Variants in FHIT observed in about 807,000 individuals in gnomAD.
The protein encoded by FHIT is bis(5'-adenosyl)-triphosphatase.
A neutral mutation model predicts 17.9 loss-of-function variants in FHIT; 19 were observed. That is an observed-to-expected ratio of 1.06 (90% CI 0.74 to 1.56). The LOEUF (loss-of-function observed/expected upper bound fraction) is 1.56, where lower values mean the gene tolerates loss of function less well. Among genes scored for constraint, FHIT ranks in the 40% most tolerant of loss-of-function variants. The probability of loss-of-function intolerance (pLI) is 0.00; values close to 1 mark genes in which losing one functional copy is unlikely to be tolerated. For synonymous variants in FHIT, 81 were observed against 69.7 expected (o/e 1.16, Z -0.81); for missense variants, 248 against 189.2 (o/e 1.31, Z -1.82).
intron 3 of FHIT, among the ~76,000 whole-genome samples, chr3:60,955,605 T>TATATATATATATAC (rs1553778476): frequency 1.2e-5 from 1 of 85,610 alleles, no homozygotes; most frequent in Admixed American, 1.1e-4. Flanking sequence ...TACATATATA[T>TATATATATATATAC]ATATATATAT....
chr3:60,051,634 A>G (rs891624250), intron 5 of FHIT, among the ~76,000 whole-genome samples: 4 of 152,144 alleles, frequency 2.6e-5, no homozygotes, highest in Admixed American at 6.6e-5. Context: ...AAATCTGAGT[A>G]TCTATATCTG....
chr3:60,926,848 C>T (rs7627681), intron 3 of FHIT, among the ~76,000 whole-genome samples: 43,457 of 151,842 alleles, frequency 0.29, 6,711 homozygotes, highest in East Asian at 0.61. Context: ...ATCAAATAGA[C>T]GCAATAAAAA....
intron 8 of FHIT, among the ~76,000 whole-genome samples, chr3:59,805,446 C>A (rs532210281): frequency 6.6e-6 from 1 of 152,158 alleles, no homozygotes; most frequent in Admixed American, 6.5e-5. Context: ...TTTGTCCTTG[C>A]GGCAGGTTAG....
intron 7 of FHIT, among the ~76,000 whole-genome samples, chr3:59,963,183 C>T (rs897983829): frequency 2.6e-5 from 4 of 151,992 alleles, no homozygotes; most frequent in African/African-American, 9.7e-5. Flanking sequence ...AGCAGAATGG[C>T]GTGAACCCAG....
chr3:59,862,915 A>G (rs1335555313), intron 8 of FHIT, among the ~76,000 whole-genome samples: 4 of 152,152 alleles, frequency 2.6e-5, no homozygotes, highest in Non-Finnish European at 4.4e-5. Flanking sequence ...GTGACGGGGT[A>G]GGATGTGGGC....
intron 5 of FHIT, among the ~76,000 whole-genome samples, chr3:60,055,154 G>C (rs113903084): frequency 0.015 from 2,309 of 152,232 alleles, 28 homozygotes; most frequent in Non-Finnish European, 0.022. Flanking sequence ...GGCAAGAAGG[G>C]TACCCTTGAC....
At chr3:60,553,788 C>G (rs1158008057) in intron 4 of FHIT, among the ~76,000 whole-genome samples, 3 of 151,902 alleles carry the variant, frequency 2.0e-5, no homozygotes, top group African/African-American at 7.3e-5. Flanking sequence ...TGTGTTTGTA[C>G]AAAATATCAG....
At chr3:60,443,484 G>T (rs1193737693) in intron 5 of FHIT, among the ~76,000 whole-genome samples, 4 of 152,042 alleles carry the variant, frequency 2.6e-5, no homozygotes, top group Non-Finnish European at 5.9e-5. Flanking sequence ...TAGCATGAAG[G>T]GCTGTTGAAT....
intron 3 of FHIT, among the ~76,000 whole-genome samples, chr3:60,905,766 A>T (rs1575669881): frequency 6.6e-6 from 1 of 152,340 alleles, no homozygotes; most frequent in East Asian, 1.9e-4. Context: ...AAGGAAGCGT[A>T]TGTATATTTG....
intron 3 of FHIT, among the ~76,000 whole-genome samples, chr3:60,968,419 C>CT (rs35256219): frequency 0.17 from 24,013 of 143,104 alleles, 2,576 homozygotes; most frequent in Middle Eastern, 0.25. Flanking sequence ...TGCTGTAGGA[C>CT]TTTTTTTTTT....
At chr3:60,032,241 C>T (rs1020568838) in intron 5 of FHIT, among the ~76,000 whole-genome samples, 7 of 151,940 alleles carry the variant, frequency 4.6e-5, no homozygotes, top group African/African-American at 1.7e-4. Flanking sequence ...GGGAGGGTTG[C>T]TCGAGGCTAG....
chr3:61,018,396 G>C (rs1021750932), intron 3 of FHIT, among the ~76,000 whole-genome samples: 3 of 152,214 alleles, frequency 2.0e-5, no homozygotes, highest in Non-Finnish European at 4.4e-5. Flanking sequence ...GGGAATTTAA[G>C]TGTCATGCAC....
chr3:60,621,070 T>C (rs1207254946), intron 4 of FHIT, among the ~76,000 whole-genome samples: 1 of 152,108 alleles, frequency 6.6e-6, no homozygotes, highest in Non-Finnish European at 1.5e-5. Flanking sequence ...CAAGTGATGT[T>C]TTCACACCAA....
At chr3:60,124,941 A>G (rs1251112662) in intron 5 of FHIT, among the ~76,000 whole-genome samples, 1 of 152,196 alleles carries the variant, frequency 6.6e-6, no homozygotes, top group African/African-American at 2.4e-5. Flanking sequence ...CAAAACCCAC[A>G]TATTAGATCT....
At chr3:60,183,781 A>C (rs1180640592) in intron 5 of FHIT, among the ~76,000 whole-genome samples, 4 of 152,120 alleles carry the variant, frequency 2.6e-5, no homozygotes, top group Non-Finnish European at 5.9e-5. Context: ...AATATTTCCT[A>C]CTGTGGCCCA....
chr3:60,884,748 T>C (rs1173884083), intron 3 of FHIT, among the ~76,000 whole-genome samples: 7 of 151,514 alleles, frequency 4.6e-5, no homozygotes, highest in African/African-American at 1.5e-4. Flanking sequence ...CTGGGTAATA[T>C]GGCAAGATTC....
At chr3:60,343,406 G>T (rs937742187) in intron 5 of FHIT, among the ~76,000 whole-genome samples, 6 of 152,126 alleles carry the variant, frequency 3.9e-5, no homozygotes, top group Non-Finnish European at 8.8e-5. Flanking sequence ...AAAAGGAAGA[G>T]GTCCAGCTAT....
intron 5 of FHIT, among the ~76,000 whole-genome samples, chr3:60,465,379 A>T (rs2032727602): frequency 6.6e-6 from 1 of 152,042 alleles, no homozygotes; most frequent in African/African-American, 2.4e-5. Context: ...TGCTATGCAG[A>T]AGCTTTTTAA....
chr3:60,890,221 T>TAAAA (rs59950717), intron 3 of FHIT, among the ~76,000 whole-genome samples: 22 of 115,640 alleles, frequency 1.9e-4, no homozygotes, highest in African/African-American at 8.0e-4. Flanking sequence ...TTCCATGATG[T>TAAAA]AAAAAAAAAA....
Sources: gnomAD v4.1 joint callset for allele counts (sites outside exome capture counted in the v4.1 genomes callset) on GRCh38, gnomAD v4.1.1 for gene constraint, MANE v1.5 for transcripts, NCBI Gene and HGNC (gene_info 2026-07-23, HGNC 2026-07-21) for gene names.